SNURF: variants seen among roughly 807,000 people sequenced by gnomAD.
SNURF encodes the protein SNRPN upstream open reading frame.
SNURF carries 6 observed loss-of-function variants against 11.6 expected under a neutral mutation model. That is an observed-to-expected ratio of 0.52 (90% CI 0.28 to 1.02). SNURF has a LOEUF of 1.02. Ranked by LOEUF, SNURF falls within the 50% of genes least tolerant of loss-of-function variation. SNURF has a pLI of 0.09. For synonymous variants in SNURF, 29 were observed against 31.6 expected (o/e 0.92, Z 0.27); for missense variants, 84 against 88.4 (o/e 0.95, Z 0.20).
Position 24,974,852 on chromosome 15 carries a change from C to T in SNURF, c.*46-506C>T, listed in dbSNP as rs191246087. On this transcript the variant is annotated intron_variant and NMD_transcript_variant, in intron 3 of 6. Transcript: ENST00000580062. ...GGGATTACAGGCATGAGATGAGCCA[C>T]TGTGCCTGGCCATGAGAAATGTTTC... 32 of 695,478 alleles carry T rather than the reference C, an allele frequency of 4.6e-5. No homozygotes were observed. The East Asian group carries it at 8.1e-4, about 18-fold the overall frequency. 43.1% of individuals were successfully genotyped at this position (695,478 alleles called of 1,614,324 possible).
At chr15:24,971,369 C>T (rs1336918745), downstream of SNURF, among the ~76,000 whole-genome samples, 1 of 152,072 alleles carries the variant, frequency 6.6e-6, no homozygotes, top group Non-Finnish European at 1.5e-5. Context: ...TTTCTTCTTT[C>T]ACTTACAAGG....
rs115773942 is a variant in SNURF, at chr15:24,968,045, T to C, written c.*8T>C. 6.7e-4 allele frequency: 1,074 copies of C among 1,613,160 alleles called. 11 individuals are homozygous for C. In the African/African-American group the frequency reaches 0.013, roughly 19 times the overall value. On this transcript the variant is annotated 3_prime_UTR_variant, in exon 3 of 3. Coordinates refer to ENST00000577949, the Ensembl canonical transcript of SNURF. ...ACACCAAGAGGTGGTTAAAGCCATA[T>C]TGGAGTAGCGAGGAATCTGATTCCA...
intron 1 of SNURF, among the ~76,000 whole-genome samples, chr15:24,959,963 T>C (rs2074501688): frequency 6.6e-6 from 1 of 152,110 alleles, no homozygotes; most frequent in Non-Finnish European, 1.5e-5. Context: ...GCTGCAGGTA[T>C]AATAGAAAGA....
intron 3 of SNURF, chr15:24,974,603 C>T (rs2076850277): frequency 2.5e-6 from 2 of 800,752 alleles, no homozygotes; most frequent in Non-Finnish European, 4.4e-6. Flanking sequence ...TGAGTATCAG[C>T]TGAAGATGAG....
chr15:24,974,850 CACTGTGCCTGGCCATGAGAAA>C, intron 3 of SNURF: 1 of 694,440 alleles, frequency 1.4e-6, no homozygotes, highest in Non-Finnish European at 2.6e-6. Context: ...TGAGATGAGC[CACTGTGCCTGGCCATGAGAAA>C]TGTTTCATGA....
At chr15:24,970,090 G>A (rs1053014070), downstream of SNURF, among the ~76,000 whole-genome samples, 6 of 152,204 alleles carry the variant, frequency 3.9e-5, no homozygotes, top group Non-Finnish European at 7.3e-5. Context: ...ATAAAGAATA[G>A]ATTATAGAAG....
chr15:24,977,436 C>T (rs1190592507), intron 6 of SNURF, among the ~76,000 whole-genome samples: 1 of 152,050 alleles, frequency 6.6e-6, no homozygotes, highest in Non-Finnish European at 1.5e-5. Flanking sequence ...GTCAGGAGTT[C>T]GACACCAGCC....
downstream of SNURF, among the ~76,000 whole-genome samples, chr15:24,972,335 A>G (rs1220728815): frequency 2.6e-5 from 4 of 152,070 alleles, no homozygotes; most frequent in South Asian, 2.1e-4. Context: ...ATAAAGAATC[A>G]TAAGATAATA....
chr15:24,975,052 T>TAC (rs576918531), intron 3 of SNURF: 10 of 690,988 alleles, frequency 1.4e-5, no homozygotes, highest in Non-Finnish European at 2.6e-5. Context: ...GAGAACACCC[T>TAC]ACATCATTGT....
At chr15:24,976,129 C>T (rs1484719899) in intron 4 of SNURF, among the ~76,000 whole-genome samples, 1 of 152,210 alleles carries the variant, frequency 6.6e-6, no homozygotes, top group Admixed American at 6.5e-5. Context: ...AATAGCTTCA[C>T]TATTTACCCT....
At chr15:24,972,363 A>G (rs1451065163), downstream of SNURF, among the ~76,000 whole-genome samples, 1 of 152,140 alleles carries the variant, frequency 6.6e-6, no homozygotes, top group African/African-American at 2.4e-5. Flanking sequence ...CTTCTAAGTT[A>G]TAGTCCTTAA....
At chr15:24,968,964 GC>G (rs1481576669), downstream of SNURF, 1 of 151,272 alleles carries the variant, frequency 6.6e-6, no homozygotes, top group Non-Finnish European at 1.5e-5. Context: ...GTTTTAGAAT[GC>G]CCTCATTTCT....
chr15:24,966,463 G>A (rs1329089738), intron 2 of SNURF, among the ~76,000 whole-genome samples: 1 of 152,112 alleles, frequency 6.6e-6, no homozygotes, highest in East Asian at 1.9e-4. Flanking sequence ...ATGTTGACAA[G>A]ATTGAATCAC....
At chr15:24,974,196 ATGAGAGGAAGGATGTTTT>A in intron 3 of SNURF, 1 of 509,092 alleles carries the variant, frequency 2.0e-6, no homozygotes, top group East Asian at 3.4e-5. Context: ...GGAAGCTAGT[ATGAGAGGAAGGATGTTTT>A]TGAACGTGTC....
At chr15:24,956,142 T>G (rs1025298752) in intron 1 of SNURF, among the ~76,000 whole-genome samples, 3 of 152,070 alleles carry the variant, frequency 2.0e-5, no homozygotes, top group Non-Finnish European at 4.4e-5. Context: ...AAGACTGGAA[T>G]GATGTGCAGA....
chr15:24,956,570 C>T (rs2062941838), intron 1 of SNURF, among the ~76,000 whole-genome samples: 2 of 151,814 alleles, frequency 1.3e-5, no homozygotes, highest in African/African-American at 2.4e-5. Context: ...ACAGTCGCCT[C>T]CGCTTGCAGT....
At position 24,976,766 on chromosome 15, in the gene SNURF, A is replaced by G. The variant is rs757476049; in HGVS notation, c.*310-111A>G. 153 of 937,814 alleles carry G rather than the reference A, an allele frequency of 1.6e-4. 1 individual carries two copies. In the South Asian group the frequency reaches 1.9e-3, roughly 12 times the overall value. The allele number at this position is 937,814 out of a possible 1,614,324, so 58.1% of individuals were successfully genotyped here. ...GTTTGTTCATTTGGACACAGAACTA[A>G]TATGAGATAGGTGTCATGGGAAAAT... is the stretch of plus-strand genomic sequence containing the variant. On this transcript the variant is annotated intron_variant and NMD_transcript_variant, in intron 5 of 6. Transcript: ENST00000580062.
intron 1 of SNURF, among the ~76,000 whole-genome samples, chr15:24,955,884 G>T (rs992144648): frequency 6.6e-6 from 1 of 151,864 alleles, no homozygotes; most frequent in Admixed American, 6.6e-5. Flanking sequence ...GGGGCCTGTC[G>T]CTGTCCGGAG....
At chr15:24,955,027 C>G (rs781733715) in exon 1 of SNURF, 4 of 1,612,902 alleles carry the variant, frequency 2.5e-6, no homozygotes, top group East Asian at 2.2e-5. Context: ...ACGCATCTGT[C>G]TGAGGAGCGG....
Sources: gnomAD v4.1 joint callset for allele counts (sites outside exome capture counted in the v4.1 genomes callset) on GRCh38, gnomAD v4.1.1 for gene constraint, MANE v1.5 for transcripts, NCBI Gene and HGNC (gene_info 2026-07-23, HGNC 2026-07-21) for gene names.